Variants in FOXP1 observed in about 807,000 individuals in gnomAD.
FOXP1 encodes forkhead box P1.
Under a neutral mutation model 98.2 loss-of-function variants are expected in FOXP1, and 15 were observed. That is an observed-to-expected ratio of 0.15 (90% CI 0.10 to 0.24). The LOEUF is 0.24. Among genes scored for constraint, FOXP1 ranks in the 10% least tolerant of loss-of-function variants. The pLI is 1.00. For missense variants in FOXP1, 633 were observed against 848.5 expected (o/e 0.75, Z 3.15); for synonymous variants, 371 against 314.5 (o/e 1.18, Z -1.90).
chr3:71,135,063 A>G (rs892279057), intron 6 of FOXP1, among the ~76,000 whole-genome samples: 1 of 152,060 alleles, frequency 6.6e-6, no homozygotes, highest in Non-Finnish European at 1.5e-5. Context: ...GATCGAGACC[A>G]TCCTGGCCAA....
At chr3:71,343,125 G>C (rs2077111366) in intron 4 of FOXP1, among the ~76,000 whole-genome samples, 1 of 152,170 alleles carries the variant, frequency 6.6e-6, no homozygotes, top group Non-Finnish European at 1.5e-5. Flanking sequence ...CAAAACTTCT[G>C]GGATTTCCAG....
chr3:71,084,057 C>G (rs2054748353), intron 7 of FOXP1, among the ~76,000 whole-genome samples: 1 of 152,194 alleles, frequency 6.6e-6, no homozygotes, highest in African/African-American at 2.4e-5. Context: ...TTCCCCAAGT[C>G]AACCCCAACT....
At chr3:71,440,660 C>T (rs2085846996) in intron 3 of FOXP1, among the ~76,000 whole-genome samples, 2 of 150,134 alleles carry the variant, frequency 1.3e-5, no homozygotes, top group Admixed American at 1.3e-4. Flanking sequence ...CGTGCCACTG[C>T]ACTCCAGCCT....
chr3:71,558,474 T>C (rs1479916562), intron 2 of FOXP1, among the ~76,000 whole-genome samples: 2 of 152,038 alleles, frequency 1.3e-5, no homozygotes, highest in Non-Finnish European at 2.9e-5. Flanking sequence ...GTTCTTTTTC[T>C]TGTTTTTGTT....
chr3:71,259,262 A>G (rs1202089508), intron 5 of FOXP1, among the ~76,000 whole-genome samples: 1 of 152,266 alleles, frequency 6.6e-6, no homozygotes, highest in Non-Finnish European at 1.5e-5. Context: ...AAGCACAGAC[A>G]AGCTACAGTG....
At chr3:71,415,743 T>C (rs867235879) in intron 3 of FOXP1, among the ~76,000 whole-genome samples, 7 of 152,028 alleles carry the variant, frequency 4.6e-5, no homozygotes, top group Middle Eastern at 3.4e-3. Flanking sequence ...GTATCTGATG[T>C]TTGGGTCTTT....
intron 12 of FOXP1, among the ~76,000 whole-genome samples, chr3:71,006,893 G>GA (rs1182529810): frequency 2.6e-5 from 4 of 151,910 alleles, no homozygotes; most frequent in Admixed American, 1.3e-4. Context: ...TCTGTTTGTT[G>GA]AAAAAAAATG....
chr3:71,582,811 G>A, intron 1 of FOXP1: 1 of 984,682 alleles, frequency 1.0e-6, no homozygotes, highest in Non-Finnish European at 1.2e-6. Flanking sequence ...AATTTTCCGG[G>A]CTCCGAGGGG....
At position 71,348,508 on chromosome 3, in the gene FOXP1, TGTGTGTGTGTGTGC is replaced by T. The variant is rs1270085508; in HGVS notation, c.-73+10628_-73+10641del. Among the ~76,000 whole-genome samples the T allele has an allele frequency of 5.4e-3, 282 of 51,914 alleles. 1 individual carries two copies. The highest frequency in any genetic ancestry group is 0.037 in the South Asian group (52 of 1,424). 34.1% of individuals were successfully genotyped at this position (51,914 alleles called of 152,430 possible). The stretch of plus-strand genomic sequence containing the variant: ...CCCAGGTGCCAGTTGCTGTGTTCAG[TGTGTGTGTGTGTGC>T]GTGTGTGTGTGTGTGTGTGTGTGTG... On this transcript the variant is annotated intron_variant, in intron 4 of 20. Coordinates refer to ENST00000649528, the MANE Select transcript of FOXP1 (RefSeq NM_001349338.3).
intron 7 of FOXP1, among the ~76,000 whole-genome samples, chr3:71,087,510 A>G (rs1250758841): frequency 1.3e-5 from 2 of 152,240 alleles, no homozygotes; most frequent in Admixed American, 6.5e-5. Context: ...AATGACAACA[A>G]AAGTCATCCA....
intron 2 of FOXP1, among the ~76,000 whole-genome samples, chr3:71,555,509 C>T (rs1275247609): frequency 6.6e-6 from 1 of 152,154 alleles, no homozygotes; most frequent in Admixed American, 6.5e-5. Flanking sequence ...AATGCTAACC[C>T]AGGAGTCACT....
At chr3:71,306,515 C>G (rs919299481) in intron 4 of FOXP1, among the ~76,000 whole-genome samples, 3 of 150,296 alleles carry the variant, frequency 2.0e-5, no homozygotes, top group Non-Finnish European at 2.9e-5. Flanking sequence ...CTACAAAGAT[C>G]TGTTTGATAT....
At chr3:71,017,179 T>A (rs1158440483) in intron 11 of FOXP1, among the ~76,000 whole-genome samples, 6 of 152,122 alleles carry the variant, frequency 3.9e-5, no homozygotes, top group Admixed American at 2.0e-4. Context: ...AGGGTAAAAC[T>A]GCATTGGACT....
At chr3:71,361,907 A>C (rs1447489800) in intron 3 of FOXP1, among the ~76,000 whole-genome samples, 1 of 152,242 alleles carries the variant, frequency 6.6e-6, no homozygotes, top group African/African-American at 2.4e-5. Context: ...ACCGGAGAAA[A>C]ATAAGGAACA....
chr3:71,432,925 A>C (rs2084867970), intron 3 of FOXP1, among the ~76,000 whole-genome samples: 1 of 151,540 alleles, frequency 6.6e-6, no homozygotes, highest in East Asian at 1.9e-4. Flanking sequence ...GTTTCCAAGG[A>C]TATACCAGAG....
chr3:71,447,866 T>A (rs1391346133), intron 3 of FOXP1, among the ~76,000 whole-genome samples: 4 of 152,180 alleles, frequency 2.6e-5, no homozygotes, highest in Non-Finnish European at 5.9e-5. Context: ...AAGTATAGAA[T>A]CTATACAGTA....
At chr3:71,400,000 A>G (rs1374108563) in intron 3 of FOXP1, among the ~76,000 whole-genome samples, 1 of 152,220 alleles carries the variant, frequency 6.6e-6, no homozygotes, top group Non-Finnish European at 1.5e-5. Flanking sequence ...CAAAACACCA[A>G]TGCCAAATCT....
At chr3:71,411,309 G>GTGTGTGTGTGTGTGTGTGTGTT (rs1560446775) in intron 3 of FOXP1, among the ~76,000 whole-genome samples, 2 of 133,538 alleles carry the variant, frequency 1.5e-5, no homozygotes, top group African/African-American at 3.0e-5. Flanking sequence ...GTGTGTGTGT[G>GTGTGTGTGTGTGTGTGTGTGTT]TGTGTGTGTA....
At chr3:71,579,227 T>A (rs1283930560) in intron 2 of FOXP1, among the ~76,000 whole-genome samples, 1 of 151,798 alleles carries the variant, frequency 6.6e-6, no homozygotes, top group Non-Finnish European at 1.5e-5. Context: ...GGATAGTTTA[T>A]CCCAGAAAAA....
Sources: allele counts gnomAD v4.1 joint callset (sites outside exome capture counted in the v4.1 genomes callset), GRCh38; gene constraint gnomAD v4.1.1; transcripts MANE v1.5; gene names NCBI Gene and HGNC (gene_info 2026-07-23, HGNC 2026-07-21).